FAM163B: variants seen among roughly 807,000 people sequenced by gnomAD.
FAM163B encodes the protein family with sequence similarity 163 member B, also known as protein FAM163B.
Under a neutral mutation model 7.6 loss-of-function variants are expected in FAM163B, and 4 were observed. That is an observed-to-expected ratio of 0.52 (90% confidence interval 0.26 to 1.20). FAM163B has a LOEUF of 1.20. FAM163B is among the 50% of genes most tolerant of loss of function. The pLI is 0.14. For missense variants in FAM163B, 250 were observed against 243.0 expected, an observed-to-expected ratio of 1.03 and a Z score of -0.19; for synonymous variants, 120 against 111.6, an observed-to-expected ratio of 1.07 and a Z score of -0.47.
intron 1 of FAM163B, among the ~76,000 whole-genome samples, chr9:133,594,046 T>C (rs1831594914): frequency 6.6e-6 from 1 of 152,222 alleles, no homozygotes; most frequent in Non-Finnish European, 1.5e-5. Flanking sequence ...TCTGTGACTG[T>C]GCCAACTGGT....
In FAM163B at chr9:133,589,291, T is replaced by C. The variant is rs115265967; in HGVS notation, c.-23-9045A>G. On this transcript the variant is annotated intron_variant, in intron 1 of 2. Coordinates refer to ENST00000673969, the MANE Select transcript of FAM163B (RefSeq NM_001080515.3). ...CCACTATCTCTGTGCCAGGAGGGCA[T>C]GGCACCCTTCACCAATGTCTCCTTC... Among the ~76,000 whole-genome samples, 1,099 of 152,296 alleles carry C rather than the reference T, an allele frequency of 7.2e-3. 17 individuals carry two copies. The highest frequency in any genetic ancestry group is 0.025 in the African/African-American group (1,052 of 41,554).
intron 1 of FAM163B, among the ~76,000 whole-genome samples, chr9:133,590,747 G>C (rs1169409006): frequency 6.6e-6 from 1 of 152,164 alleles, no homozygotes; most frequent in Non-Finnish European, 1.5e-5. Flanking sequence ...ACCCCAGCCA[G>C]CAGCGTGGCC....
At chr9:133,581,846 T>C (rs3893344) in intron 1 of FAM163B, among the ~76,000 whole-genome samples, 91,453 of 152,056 alleles carry the variant, frequency 0.6, 28,929 homozygotes, top group African/African-American at 0.73. Context: ...CTGCAGCTGC[T>C]CTCGGCCAGT....
chr9:133,582,216 C>T (rs1360146048), intron 1 of FAM163B, among the ~76,000 whole-genome samples: 1 of 152,318 alleles, frequency 6.6e-6, no homozygotes, highest in African/African-American at 2.4e-5. Flanking sequence ...GACCCTGCCC[C>T]CTTTGCAGGC....
Position 133,578,676 on chromosome 9 carries a change from G to C in FAM163B, c.*346C>G, listed in dbSNP as rs1057255510. The C allele has an allele frequency of 1.8e-5, 5 of 282,558 alleles. No homozygotes were observed. The highest frequency in any genetic ancestry group is 1.1e-4 in the African/African-American group (5 of 45,772). The allele number at this position is 282,558 out of a possible 1,614,324, so 17.5% of individuals were successfully genotyped here. A position where few individuals can be genotyped will look rare whatever the true frequency, so the allele number is the denominator to read the frequency against. ...ACCCAGGGAGGGGGTGACACATGGA[G>C]ACCTCCTGGGAAGGCCAGGTTGTTG... On this transcript the variant is annotated 3_prime_UTR_variant, in exon 3 of 3. Coordinates refer to ENST00000673969, the MANE Select transcript of FAM163B (RefSeq NM_001080515.3).
chr9:133,602,153 G>A (rs1831738211), intron 1 of FAM163B, among the ~76,000 whole-genome samples: 1 of 149,944 alleles, frequency 6.7e-6, no homozygotes, highest in African/African-American at 2.5e-5. Flanking sequence ...CTCCAGCCAT[G>A]CCCAAGACCC....
intron 1 of FAM163B, among the ~76,000 whole-genome samples, chr9:133,591,900 G>A (rs1014560271): frequency 1.2e-4 from 19 of 152,130 alleles, no homozygotes; most frequent in African/African-American, 4.6e-4. Context: ...TTGTCCCTTG[G>A]CCTGGGAGAC....
chr9:133,581,315 TCA>T (rs1240937534), intron 1 of FAM163B, among the ~76,000 whole-genome samples: 2 of 152,178 alleles, frequency 1.3e-5, no homozygotes, highest in Non-Finnish European at 2.9e-5. Flanking sequence ...CAATCACCTC[TCA>T]CAGAGCAGTG....
chr9:133,580,011 A>C, intron 2 of FAM163B, 120 bp downstream of exon 2: 1 of 791,530 alleles, frequency 1.3e-6, no homozygotes, highest in South Asian at 1.6e-5. Flanking sequence ...TCTCTGCCAC[A>C]GGGCTCTTCC....
intron 1 of FAM163B, among the ~76,000 whole-genome samples, chr9:133,592,699 CTTCTT>C (rs1250946094): frequency 6.6e-6 from 1 of 152,212 alleles, no homozygotes; most frequent in Non-Finnish European, 1.5e-5. Context: ...AGGCCAGTGA[CTTCTT>C]TACTTAAAGC....
chr9:133,604,747 G>A (rs1831769186), intron 1 of FAM163B, among the ~76,000 whole-genome samples: 1 of 150,328 alleles, frequency 6.7e-6, no homozygotes, highest in Non-Finnish European at 1.5e-5. Context: ...CATTTCTCAC[G>A]GGTTCCTAGG....
At position 133,609,109 on chromosome 9, in the gene FAM163B, C is replaced by G. The variant is rs957475053; in HGVS notation, c.-56G>C. Among the ~76,000 whole-genome samples the G allele has an allele frequency of 6.6e-6, 1 of 152,134 alleles. No individual in the cohort carries two copies. Among genetic ancestry groups the G allele is most frequent in the Admixed American group, 6.5e-5 (1 of 15,280 alleles). ...CATGGGAACCGCGCTGCCCCGGCCG[C>G]GAGGACTTGGGCGCACGTGACGGGG... On this transcript the variant is annotated 5_prime_UTR_variant, in exon 1 of 3. Coordinates refer to ENST00000673969, the MANE Select transcript of FAM163B (RefSeq NM_001080515.3).
chr9:133,588,821 C>T (rs1366911277), intron 1 of FAM163B, among the ~76,000 whole-genome samples: 1 of 150,658 alleles, frequency 6.6e-6, no homozygotes, highest in South Asian at 2.1e-4. Flanking sequence ...GGCCAGTCAC[C>T]CTGAATGGTC....
chr9:133,600,126 G>C lies in FAM163B; in HGVS notation c.-24+8951C>G, dbSNP rs933700785. 5.3e-5 allele frequency among the ~76,000 whole-genome samples: 8 copies of C among 151,040 alleles called. No homozygotes were observed. Among genetic ancestry groups the C allele is most frequent in the African/African-American group, 2.0e-4 (8 of 41,006 alleles). On this transcript the variant is annotated intron_variant, in intron 1 of 2. Coordinates refer to ENST00000673969, the MANE Select transcript of FAM163B (RefSeq NM_001080515.3). This position sits in a 1 kb window ranked among gnomAD's most constrained non-coding sequence, Gnocchi z 4.9. ...GAATGTGTGTGGTCTATGTGTATGT[G>C]TGTCTGTGTGCGTGTGTGAATGTAT...
intron 1 of FAM163B, among the ~76,000 whole-genome samples, chr9:133,588,726 T>G (rs1388690198): frequency 0.014 from 5 of 346 alleles, no homozygotes; most frequent in African/African-American, 0.031. Flanking sequence ...GCTGACCCAC[T>G]CATTGTGCAG....
Position 133,579,059 on chromosome 9 carries a change from GC to G in FAM163B, c.463del (p.Ala155ProfsTer23), listed in dbSNP as rs1831301861. 6.3e-7 allele frequency: 1 copy of G among 1,581,276 alleles called. No individual in the cohort carries two copies. Among genetic ancestry groups the G allele is most frequent in the East Asian group, 2.3e-5 (1 of 43,604 alleles). On this transcript the variant is annotated frameshift_variant, in exon 3 of 3. Coordinates refer to ENST00000673969, the MANE Select transcript of FAM163B (RefSeq NM_001080515.3). LOFTEE classifies it high-confidence loss of function. Reference sequence around the variant, plus strand: ...GCTGATGCTGCGGCTCCTGGCGAAGGCCTCCCGCATGGCTGAGAGGCGGTTG... The same window carrying G: ...GCTGATGCTGCGGCTCCTGGCGAAGGCTCCCGCATGGCTGAGAGGCGGTTG... ...NPNRLSAMRE[A>X]FARSRSISTD...
chr9:133,579,028 G>C lies in FAM163B; in HGVS notation c.495C>G (p.Asp165Glu), dbSNP rs901705165. ...TCCCGGGGGCGGGCCCAGGTCACACGTCGGTGCTGATGCTGCGGCTCCTGG... is the reference window on the plus strand; with the variant it reads ...TCCCGGGGGCGGGCCCAGGTCACACCTCGGTGCTGATGCTGCGGCTCCTGG... ...AFARSRSIST[D>E]V The change falls in exon 3 of 3, where the codon GAC becomes GAG. Residue 165 changes from aspartate to glutamate, a missense_variant. By Grantham distance (45) the Asp-to-Glu change is conservative. Transcript: ENST00000673969. 1 of 1,540,168 alleles carries C rather than the reference G, an allele frequency of 6.5e-7. No individual in the cohort carries two copies. Among genetic ancestry groups the C allele is most frequent in the Non-Finnish European group, 8.7e-7 (1 of 1,144,462 alleles).
intron 1 of FAM163B, among the ~76,000 whole-genome samples, 180 bp from the exon 2 acceptor site, chr9:133,580,426 C>T (rs1831339448): frequency 6.6e-6 from 1 of 152,212 alleles, no homozygotes; most frequent in Admixed American, 6.5e-5. Flanking sequence ...TGCTCTGCCT[C>T]AGCTGGCCTC....
rs1017097851 is a variant in FAM163B, at chr9:133,606,073, G to C, written c.-24+3004C>G. ...CAGGGCTTACAAGCCTGGCGGAACCGGACCCCACCTGACTCTCCAGCCTCC... is the reference window on the plus strand; with the variant it reads ...CAGGGCTTACAAGCCTGGCGGAACCCGACCCCACCTGACTCTCCAGCCTCC... On this transcript the variant is annotated intron_variant, in intron 1 of 2. Coordinates refer to ENST00000673969, the MANE Select transcript of FAM163B (RefSeq NM_001080515.3). This position sits in a 1 kb window ranked among gnomAD's most constrained non-coding sequence, Gnocchi z 4.0. Among the ~76,000 whole-genome samples the C allele has an allele frequency of 6.6e-6, 1 of 152,188 alleles. No individual in the cohort carries two copies. The highest frequency in any genetic ancestry group is 1.5e-5 in the Non-Finnish European group (1 of 68,036).
Sources: gnomAD v4.1 joint callset for allele counts (sites outside exome capture counted in the v4.1 genomes callset) on GRCh38, gnomAD v4.1.1 for gene constraint, Gnocchi (gnomAD v3.1) non-coding constraint, MANE v1.5 for transcripts, NCBI Gene and HGNC (gene_info 2026-07-23, HGNC 2026-07-21) for gene names.